Variants in DENND1A observed in about 807,000 individuals in gnomAD.
The protein encoded by DENND1A is DENN domain containing 1A.
Under a neutral mutation model 113.7 loss-of-function variants are expected in DENND1A, and 51 were observed. The observed-to-expected ratio is 0.45, with a 90% CI of 0.36 to 0.57. The LOEUF is 0.57. Among genes scored for constraint, DENND1A ranks in the 20% least tolerant of loss-of-function variants. DENND1A has a pLI of 0.00. For missense variants in DENND1A, 1,258 were observed against 1,395.9 expected (o/e 0.90, Z 1.57); for synonymous variants, 565 against 570.8 (o/e 0.99, Z 0.14).
intron 4 of DENND1A, among the ~76,000 whole-genome samples, chr9:123,765,214 A>T (rs1828583531): frequency 1.3e-5 from 2 of 152,192 alleles, no homozygotes; most frequent in Non-Finnish European, 2.9e-5. Flanking sequence ...GCAGTATGGT[A>T]AAACAGGGAA....
At chr9:123,416,885 G>A (rs1488221178) in intron 19 of DENND1A, among the ~76,000 whole-genome samples, 1 of 152,236 alleles carries the variant, frequency 6.6e-6, no homozygotes, top group African/African-American at 2.4e-5. Context: ...CACAGTCCTT[G>A]TCCTTGAGGA....
At chr9:123,400,417 T>A (rs894892625) in intron 21 of DENND1A, 2 of 152,164 alleles carry the variant, frequency 1.3e-5, no homozygotes, top group African/African-American at 4.8e-5. Flanking sequence ...ACAGATGGAA[T>A]GATGGAGGGA....
chr9:123,647,957 G>A (rs573451097), intron 9 of DENND1A, among the ~76,000 whole-genome samples: 16 of 152,316 alleles, frequency 1.1e-4, no homozygotes, highest in Admixed American at 5.2e-4. Context: ...ATGGGCATAC[G>A]TAAATAGTTT....
chr9:123,683,414 A>G (rs2064599611), intron 5 of DENND1A, among the ~76,000 whole-genome samples: 1 of 152,222 alleles, frequency 6.6e-6, no homozygotes, highest in African/African-American at 2.4e-5. Flanking sequence ...ATGCTGTGAA[A>G]GTCAACTATG....
chr9:123,656,405 G>C (rs2062948683), intron 8 of DENND1A, among the ~76,000 whole-genome samples: 3 of 152,194 alleles, frequency 2.0e-5, no homozygotes, highest in Admixed American at 6.5e-5. Flanking sequence ...ACAGGCTGCT[G>C]CCATATTCTG....
chr9:123,763,670 T>C lies in DENND1A; in HGVS notation c.182+5844A>G, dbSNP rs754911413. ...CAAAAGAGGATCCAGGACTAATTTA[T>C]AGAAACACCAATTTAGAAGATGGGT... On this transcript the variant is annotated intron_variant, in intron 4 of 23. Transcript: ENST00000394215. 3.2e-4 allele frequency among the ~76,000 whole-genome samples: 48 copies of C among 151,908 alleles called. 1 individual carries two copies. Among genetic ancestry groups the C allele is most frequent in the Non-Finnish European group, 1.3e-4 (9 of 67,974 alleles).
chr9:123,683,611 C>T (rs2064612074), intron 5 of DENND1A, among the ~76,000 whole-genome samples: 1 of 151,864 alleles, frequency 6.6e-6, no homozygotes, highest in South Asian at 2.1e-4. Context: ...GCTTTTGGTC[C>T]CCATTTAAAT....
intron 2 of DENND1A, among the ~76,000 whole-genome samples, chr9:123,850,606 G>A (rs1185691163): frequency 1.3e-5 from 2 of 152,098 alleles, no homozygotes; most frequent in Non-Finnish European, 2.9e-5. Context: ...GAAAGCACAC[G>A]ACCTGGGTTC....
intron 5 of DENND1A, among the ~76,000 whole-genome samples, chr9:123,718,747 T>C (rs2067141239): frequency 6.6e-6 from 1 of 152,176 alleles, no homozygotes; most frequent in Non-Finnish European, 1.5e-5. Context: ...ACAGACTCTG[T>C]TGGGACAATG....
At chr9:123,524,022 T>C (rs1432625610) in intron 13 of DENND1A, among the ~76,000 whole-genome samples, 2 of 152,166 alleles carry the variant, frequency 1.3e-5, no homozygotes, top group African/African-American at 2.4e-5. Flanking sequence ...GACTGGAGCA[T>C]GTGGTATTAG....
intron 1 of DENND1A, among the ~76,000 whole-genome samples, chr9:123,903,112 C>A (rs113871664): frequency 2.6e-5 from 4 of 151,580 alleles, no homozygotes; most frequent in African/African-American, 9.7e-5. Flanking sequence ...GCAGGCGGAT[C>A]ACGAGGTCAG....
chr9:123,658,162 T>C (rs1187226913), intron 8 of DENND1A, among the ~76,000 whole-genome samples: 1 of 152,190 alleles, frequency 6.6e-6, no homozygotes, highest in Non-Finnish European at 1.5e-5. Flanking sequence ...TAACTGTCCA[T>C]TCTAACTGCT....
intron 11 of DENND1A, among the ~76,000 whole-genome samples, chr9:123,603,042 T>C (rs1200728261): frequency 6.6e-6 from 1 of 152,264 alleles, no homozygotes; most frequent in Admixed American, 6.5e-5. Context: ...AATTGCAGCA[T>C]TAACAAATGT....
rs189319075 is a variant in DENND1A at position 123,600,762 on chromosome 9, C to T, written c.765+8674G>A. The stretch of plus-strand genomic sequence containing the variant: ...AGGAGAATCGCTTGAACCCAGGAGG[C>T]GGAGGATGCAGTGAGCTGAGATGGC... On this transcript the variant is annotated intron_variant, in intron 11 of 23. Coordinates refer to ENST00000394215, the MANE Select transcript of DENND1A (RefSeq NM_001352964.2). Among the ~76,000 whole-genome samples, 756 of 151,504 alleles carry T rather than the reference C, an allele frequency of 5.0e-3. 2 individuals are homozygous for T. The highest frequency in any genetic ancestry group is 8.0e-3 in the Non-Finnish European group (544 of 67,934).
intron 5 of DENND1A, among the ~76,000 whole-genome samples, chr9:123,743,349 C>T (rs961805617): frequency 2.7e-5 from 4 of 147,672 alleles, no homozygotes; most frequent in African/African-American, 5.0e-5. Flanking sequence ...TGCAGTGAGC[C>T]GAGATCGTGC....
chr9:123,772,424 C>T (rs1476288634), intron 3 of DENND1A, among the ~76,000 whole-genome samples: 5 of 152,078 alleles, frequency 3.3e-5, no homozygotes, highest in African/African-American at 1.2e-4. Context: ...CTTTTTCTCT[C>T]TAGAACTTGT....
At chr9:123,671,877 T>C (rs1368307157) in intron 6 of DENND1A, among the ~76,000 whole-genome samples, 1 of 152,234 alleles carries the variant, frequency 6.6e-6, no homozygotes, top group Admixed American at 6.5e-5. Context: ...ATGGTGGCTA[T>C]GCATTCTAAT....
At chr9:123,446,221 G>A (rs149072778) in intron 18 of DENND1A, among the ~76,000 whole-genome samples, 3 of 152,260 alleles carry the variant, frequency 2.0e-5, no homozygotes, top group Admixed American at 1.3e-4. Flanking sequence ...GACTCGTGCC[G>A]CACCCTTCTT....
chr9:123,419,445 T>C (rs1444216977), intron 19 of DENND1A, among the ~76,000 whole-genome samples: 1 of 152,238 alleles, frequency 6.6e-6, no homozygotes, highest in African/African-American at 2.4e-5. Flanking sequence ...GTCAAATACG[T>C]GGCCAGGAAT....
Sources: gnomAD v4.1 joint callset for allele counts (sites outside exome capture counted in the v4.1 genomes callset) on GRCh38, gnomAD v4.1.1 for gene constraint, MANE v1.5 for transcripts, NCBI Gene and HGNC (gene_info 2026-07-23, HGNC 2026-07-21) for gene names.